Variants in PIP4K2A observed in about 807,000 individuals in gnomAD.
The protein encoded by PIP4K2A is phosphatidylinositol-5-phosphate 4-kinase type 2 alpha.
A neutral mutation model predicts 42.9 loss-of-function variants in PIP4K2A; 14 were observed. That is an observed-to-expected ratio of 0.33 (90% CI 0.22 to 0.51). The LOEUF is 0.51. PIP4K2A is among the 20% of genes least tolerant of loss of function. The pLI is 0.97. For synonymous variants in PIP4K2A, 192 were observed against 192.2 expected (o/e 1.00, Z 0.01); for missense variants, 434 against 519.8 (o/e 0.83, Z 1.61).
chr10:22,547,269 C>G (rs1836279980), intron 7 of PIP4K2A, among the ~76,000 whole-genome samples: 1 of 152,222 alleles, frequency 6.6e-6, no homozygotes, highest in African/African-American at 2.4e-5. Flanking sequence ...TTATAATCCT[C>G]CTTCGAAGCA....
intron 7 of PIP4K2A, among the ~76,000 whole-genome samples, chr10:22,549,838 C>CAAAAAAAAAA (rs56349240): frequency 1.4e-5 from 1 of 70,124 alleles, no homozygotes; most frequent in Non-Finnish European, 2.6e-5. Flanking sequence ...GAATCCATCT[C>CAAAAAAAAAA]AAAAAAAAAA....
intron 1 of PIP4K2A, among the ~76,000 whole-genome samples, chr10:22,674,415 CA>C (rs1002492534): frequency 2.0e-3 from 124 of 61,130 alleles, no homozygotes; most frequent in Middle Eastern, 0.014. Context: ...CACTTGGGAG[CA>C]AAAAAAAAAA....
intron 6 of PIP4K2A, among the ~76,000 whole-genome samples, chr10:22,553,754 G>A (rs1055157938): frequency 4.0e-5 from 6 of 148,938 alleles, no homozygotes; most frequent in African/African-American, 1.2e-4. Context: ...TTAATAAAGC[G>A]CACAGACTTG....
At chr10:22,664,756 A>C (rs1205448935) in intron 1 of PIP4K2A, among the ~76,000 whole-genome samples, 1 of 152,182 alleles carries the variant, frequency 6.6e-6, no homozygotes. Context: ...GTACTACCAC[A>C]GAGCCACAGA....
chr10:22,562,958 T>C (rs1337529102), intron 6 of PIP4K2A, among the ~76,000 whole-genome samples: 1 of 152,034 alleles, frequency 6.6e-6, no homozygotes, highest in African/African-American at 2.4e-5. Context: ...TGACGGTGGG[T>C]GGGAGCCAGA....
chr10:22,592,484 T>C (rs1374620497), intron 3 of PIP4K2A, among the ~76,000 whole-genome samples: 2 of 152,158 alleles, frequency 1.3e-5, no homozygotes, highest in African/African-American at 4.8e-5. Flanking sequence ...AGCTCCTCCT[T>C]AGGCGATTTG....
intron 1 of PIP4K2A, among the ~76,000 whole-genome samples, chr10:22,691,326 T>C (rs141530283): frequency 2.6e-5 from 4 of 152,306 alleles, no homozygotes; most frequent in African/African-American, 7.2e-5. Context: ...CTCATCCATA[T>C]ACCGGCCCTC....
chr10:22,687,177 A>C (rs1024207657), intron 1 of PIP4K2A, among the ~76,000 whole-genome samples: 2 of 151,432 alleles, frequency 1.3e-5, no homozygotes, highest in African/African-American at 4.9e-5. Context: ...GGAAATGTCG[A>C]CCTCAGATGA....
Position 22,594,961 on chromosome 10 carries a change from A to G in PIP4K2A, c.340-3180T>C, listed in dbSNP as rs1461576225. The stretch of plus-strand genomic sequence containing the variant: ...AGTAGCCCCAACCCACACTATCTGA[A>G]TATTTTTAAGGTTCATGAACATGAA... On this transcript the variant is annotated intron_variant, in intron 3 of 9. Coordinates refer to ENST00000376573, the MANE Select transcript of PIP4K2A (RefSeq NM_005028.5). Among the ~76,000 whole-genome samples the G allele has an allele frequency of 2.6e-5, 4 of 152,326 alleles. No individual in the cohort carries two copies. In the South Asian group the frequency reaches 6.2e-4, roughly 24 times the overall value.
At chr10:22,555,062 C>T (rs527789842) in intron 6 of PIP4K2A, among the ~76,000 whole-genome samples, 1 of 152,326 alleles carries the variant, frequency 6.6e-6, no homozygotes, top group South Asian at 2.1e-4. Context: ...AGCAGAGGGA[C>T]GCCGTTCCCC....
chr10:22,686,452 C>T (rs1839765704), intron 1 of PIP4K2A, among the ~76,000 whole-genome samples: 1 of 152,094 alleles, frequency 6.6e-6, no homozygotes, highest in African/African-American at 2.4e-5. Flanking sequence ...TTGAAGAAAG[C>T]AAGCTCTATT....
chr10:22,625,157 A>C (rs1310310632), intron 1 of PIP4K2A, among the ~76,000 whole-genome samples: 1 of 152,236 alleles, frequency 6.6e-6, no homozygotes, highest in East Asian at 1.9e-4. Flanking sequence ...ACTTGTATTT[A>C]CAAATCTTTG....
At chr10:22,707,395 G>GT (rs1833841794) in intron 1 of PIP4K2A, among the ~76,000 whole-genome samples, 1 of 152,108 alleles carries the variant, frequency 6.6e-6, no homozygotes, top group African/African-American at 2.4e-5. Flanking sequence ...TTAGCTTTAG[G>GT]TAAGTTACTG....
chr10:22,703,822 T>C (rs1833760093), intron 1 of PIP4K2A, among the ~76,000 whole-genome samples: 2 of 152,116 alleles, frequency 1.3e-5, no homozygotes, highest in Non-Finnish European at 1.5e-5. Flanking sequence ...AGAAAGCATG[T>C]GGATTCGGGA....
At chr10:22,673,165 T>G (rs190949397) in intron 1 of PIP4K2A, among the ~76,000 whole-genome samples, 292 of 152,322 alleles carry the variant, frequency 1.9e-3, no homozygotes, top group African/African-American at 6.6e-3. Context: ...AGGCATCACC[T>G]CCTCCAGGAA....
intron 1 of PIP4K2A, among the ~76,000 whole-genome samples, chr10:22,629,621 A>C (rs1161028478): frequency 6.6e-6 from 1 of 152,230 alleles, no homozygotes; most frequent in Admixed American, 6.5e-5. Flanking sequence ...TACTATTTCC[A>C]CTGAGGAGGT....
intron 4 of PIP4K2A, among the ~76,000 whole-genome samples, chr10:22,588,066 G>GT (rs1357675052): frequency 8.5e-5 from 13 of 152,284 alleles, no homozygotes; most frequent in African/African-American, 2.4e-4. Flanking sequence ...CACTGCTGCT[G>GT]TATTTTTAAA....
intron 1 of PIP4K2A, among the ~76,000 whole-genome samples, chr10:22,675,427 A>T (rs1467248616): frequency 6.6e-6 from 1 of 152,098 alleles, no homozygotes; most frequent in Non-Finnish European, 1.5e-5. Flanking sequence ...CTCTACTAAA[A>T]ATACAAAAAT....
At chr10:22,624,358 T>C (rs1208674435) in intron 1 of PIP4K2A, among the ~76,000 whole-genome samples, 1 of 152,222 alleles carries the variant, frequency 6.6e-6, no homozygotes, top group Non-Finnish European at 1.5e-5. Flanking sequence ...CAGCAAATAC[T>C]GCGGGCAGAG....
Sources: gnomAD v4.1 joint callset for allele counts (sites outside exome capture counted in the v4.1 genomes callset) on GRCh38, gnomAD v4.1.1 for gene constraint, MANE v1.5 for transcripts, NCBI Gene and HGNC (gene_info 2026-07-23, HGNC 2026-07-21) for gene names.